The following HHAT variants were observed in gnomAD, a reference collection of about 807,000 sequenced individuals.
HHAT encodes the protein hedgehog acyltransferase.
Under a neutral mutation model 70.8 loss-of-function variants are expected in HHAT, and 47 were observed. That is an observed-to-expected ratio of 0.66 (90% CI 0.53 to 0.85). The LOEUF (loss-of-function observed/expected upper bound fraction) is 0.85. HHAT is among the 40% of genes least tolerant of loss of function. The pLI, the probability that HHAT is intolerant of heterozygous loss-of-function variation, is 0.00. For missense variants in HHAT, 609 were observed against 604.8 expected (o/e 1.01, Z -0.07); for synonymous variants, 228 against 247.6 (o/e 0.92, Z 0.74).
At chr1:210,526,490 A>T (rs12120591) in intron 9 of HHAT, among the ~76,000 whole-genome samples, 61,972 of 151,520 alleles carry the variant, frequency 0.41, 13,197 homozygotes, top group Middle Eastern at 0.48. Context: ...CAGTTCCACA[A>T]ACCAGAATTA....
chr1:210,331,456 A>G (rs1371137288), intron 1 of HHAT, among the ~76,000 whole-genome samples: 1 of 152,196 alleles, frequency 6.6e-6, no homozygotes. Context: ...GGATATTTGA[A>G]GTTGTCTTAA....
At chr1:210,631,948 G>GT (rs1670943432) in intron 11 of HHAT, among the ~76,000 whole-genome samples, 3 of 152,212 alleles carry the variant, frequency 2.0e-5, no homozygotes, top group Non-Finnish European at 4.4e-5. Context: ...AGCAAATCCT[G>GT]TTTTGTCAGC....
At chr1:210,468,472 C>T (rs1276045648) in intron 8 of HHAT, among the ~76,000 whole-genome samples, 1 of 152,150 alleles carries the variant, frequency 6.6e-6, no homozygotes, top group African/African-American at 2.4e-5. Flanking sequence ...CAAACTCATG[C>T]ATGATTGCTT....
At chr1:210,425,518 A>G (rs1419619185) in intron 7 of HHAT, among the ~76,000 whole-genome samples, 1 of 152,032 alleles carries the variant, frequency 6.6e-6, no homozygotes, top group African/African-American at 2.4e-5. Context: ...TAATTTTTGT[A>G]TGTGCTATAA....
chr1:210,338,570 A>T (rs1344471057), intron 1 of HHAT, among the ~76,000 whole-genome samples: 1 of 152,172 alleles, frequency 6.6e-6, no homozygotes, highest in East Asian at 1.9e-4. Flanking sequence ...GCACTGTTTT[A>T]TCATTTTATA....
intron 9 of HHAT, among the ~76,000 whole-genome samples, chr1:210,542,853 G>GTA (rs2095444527): frequency 6.6e-6 from 1 of 152,062 alleles, no homozygotes; most frequent in South Asian, 2.1e-4. Context: ...TATACGTGTT[G>GTA]TATATATATT....
chr1:210,413,532 C>G (rs2092627141), intron 6 of HHAT, among the ~76,000 whole-genome samples: 1 of 152,190 alleles, frequency 6.6e-6, no homozygotes, highest in African/African-American at 2.4e-5. Context: ...TATAAACAGT[C>G]AAGAGGAGCC....
At chr1:210,598,153 ACT>A (rs1213032817) in intron 10 of HHAT, among the ~76,000 whole-genome samples, 2 of 151,280 alleles carry the variant, frequency 1.3e-5, no homozygotes, top group Non-Finnish European at 2.9e-5. Flanking sequence ...GGGCCTCAAA[ACT>A]CTGCCTGGCC....
chr1:210,450,787 G>A (rs2093738159), intron 7 of HHAT, among the ~76,000 whole-genome samples: 1 of 152,078 alleles, frequency 6.6e-6, no homozygotes, highest in Admixed American at 6.6e-5. Flanking sequence ...ATAACTGGCA[G>A]TAACGTTTTT....
intron 11 of HHAT, among the ~76,000 whole-genome samples, chr1:210,672,202 T>G (rs979217228): frequency 6.6e-6 from 1 of 152,194 alleles, no homozygotes; most frequent in Non-Finnish European, 1.5e-5. Context: ...CTCATCCCAT[T>G]TAAGAGCCTG....
chr1:210,372,925 C>A (rs1242529454), intron 3 of HHAT, among the ~76,000 whole-genome samples: 1 of 152,012 alleles, frequency 6.6e-6, no homozygotes, highest in Non-Finnish European at 1.5e-5. Context: ...AAATTTTAAT[C>A]CATCACATAT....
In HHAT at chr1:210,489,334, C is replaced by T. The variant is rs143237716; in HGVS notation, c.1008-23819C>T. ...GAGAGTTGAAGAAAGTAACTGGAGA[C>T]AGGGCTAAGCTGGGATTCTTCAGGA... On this transcript the variant is annotated intron_variant, in intron 8 of 11. Transcript: ENST00000261458. Among the ~76,000 whole-genome samples, 745 of 152,250 alleles carry T rather than the reference C, an allele frequency of 4.9e-3. 12 individuals carry two copies. Among genetic ancestry groups the T allele is most frequent in the African/African-American group, 0.017 (718 of 41,526 alleles).
At chr1:210,659,884 ACT>A (rs1217510319) in intron 11 of HHAT, among the ~76,000 whole-genome samples, 5 of 152,086 alleles carry the variant, frequency 3.3e-5, no homozygotes, top group Non-Finnish European at 7.4e-5. Context: ...CATGCCAAAA[ACT>A]CTCAATAAAA....
At chr1:210,556,648 C>T (rs998240655) in intron 9 of HHAT, among the ~76,000 whole-genome samples, 1 of 152,208 alleles carries the variant, frequency 6.6e-6, no homozygotes, top group Non-Finnish European at 1.5e-5. Context: ...GCTTCACTCT[C>T]TTGCCATGTT....
At chr1:210,664,608 C>A (rs952434098) in intron 11 of HHAT, among the ~76,000 whole-genome samples, 19 of 152,150 alleles carry the variant, frequency 1.2e-4, no homozygotes, top group Admixed American at 3.9e-4. Flanking sequence ...TAGAAAATGC[C>A]ACCAAAGCAG....
chr1:210,434,633 GA>G lies in HHAT; in HGVS notation c.856+16309del, dbSNP rs538013571. On this transcript the variant is annotated intron_variant, in intron 7 of 11. Coordinates refer to ENST00000261458, the MANE Select transcript of HHAT (RefSeq NM_018194.6). ...GTCCAGGCTCTCAGTGGGCTCAAGG[GA>G]GTGTCCACATCTCCTGGAATTTGGC... Among the ~76,000 whole-genome samples the G allele has an allele frequency of 1.5e-3, 227 of 151,854 alleles. 8 individuals are homozygous for G. Among genetic ancestry groups the G allele is most frequent in the African/African-American group, 5.4e-3 (223 of 41,168 alleles).
intron 3 of HHAT, among the ~76,000 whole-genome samples, chr1:210,387,008 T>A (rs2091124584): frequency 6.6e-6 from 1 of 152,218 alleles, no homozygotes; most frequent in Non-Finnish European, 1.5e-5. Context: ...AGTGTCCAGT[T>A]TACATTTCTC....
intron 8 of HHAT, among the ~76,000 whole-genome samples, chr1:210,499,439 C>A (rs1343046091): frequency 6.6e-6 from 1 of 152,168 alleles, no homozygotes; most frequent in East Asian, 1.9e-4. Flanking sequence ...GAATTCAAGA[C>A]CAGCCTGGCC....
chr1:210,440,442 C>T (rs2093479239), intron 7 of HHAT, among the ~76,000 whole-genome samples: 1 of 151,638 alleles, frequency 6.6e-6, no homozygotes, highest in Non-Finnish European at 1.5e-5. Context: ...GGCAATCAGT[C>T]CTTGGATGTA....
Sources: gnomAD v4.1 joint callset for allele counts (sites outside exome capture counted in the v4.1 genomes callset) on GRCh38, gnomAD v4.1.1 for gene constraint, MANE v1.5 for transcripts, NCBI Gene and HGNC (gene_info 2026-07-23, HGNC 2026-07-21) for gene names.